The following EYA2 variants were observed in gnomAD, a reference collection of about 807,000 sequenced individuals.
EYA2 encodes EYA transcriptional coactivator and phosphatase 2, also known as protein phosphatase EYA2.
In EYA2, 31 loss-of-function variants were observed where a neutral mutation model predicts 69.2. The observed-to-expected ratio is 0.45, with a 90% CI of 0.34 to 0.60. The LOEUF is 0.60. Ranked by LOEUF, EYA2 falls within the 20% of genes least tolerant of loss-of-function variation. The probability of loss-of-function intolerance (pLI) is 0.02; values close to 1 mark genes in which losing one functional copy is unlikely to be tolerated. For synonymous variants in EYA2, 257 were observed against 279.4 expected, an observed-to-expected ratio of 0.92 and a Z score of 0.80; for missense variants, 622 against 701.2, an observed-to-expected ratio of 0.89 and a Z score of 1.28.
At chr20:47,057,099 G>A (rs1436885906) in intron 5 of EYA2, among the ~76,000 whole-genome samples, 1 of 140,492 alleles carries the variant, frequency 7.1e-6, no homozygotes, top group East Asian at 2.1e-4. Context: ...AAGAAAGGAA[G>A]GAGGGAGGGA....
intron 5 of EYA2, among the ~76,000 whole-genome samples, chr20:47,040,886 G>A (rs1985025826): frequency 2.0e-5 from 3 of 152,156 alleles, no homozygotes; most frequent in African/African-American, 7.2e-5. Context: ...TGTGACTTAG[G>A]GCTTATGTAG....
intron 9 of EYA2, among the ~76,000 whole-genome samples, chr20:47,119,598 C>T (rs2032993459): frequency 6.6e-6 from 1 of 152,164 alleles, no homozygotes; most frequent in Admixed American, 6.5e-5. Context: ...ATGAAATACC[C>T]AGAAGAGGTC....
intron 5 of EYA2, among the ~76,000 whole-genome samples, chr20:47,054,535 T>G (rs1023117705): frequency 6.6e-6 from 1 of 152,180 alleles, no homozygotes; most frequent in African/African-American, 2.4e-5. Flanking sequence ...CAAGGTGTAC[T>G]GAGTAAAAGC....
intron 5 of EYA2, among the ~76,000 whole-genome samples, chr20:47,063,325 C>T (rs2030968060): frequency 6.7e-6 from 1 of 150,362 alleles, no homozygotes; most frequent in Non-Finnish European, 1.5e-5. Flanking sequence ...AGTATGTGGC[C>T]TTGTATGTCT....
chr20:46,935,121 C>T (rs6124900), intron 1 of EYA2, among the ~76,000 whole-genome samples: 2 of 152,168 alleles, frequency 1.3e-5, no homozygotes, highest in African/African-American at 2.4e-5. Flanking sequence ...TTAGCTGGGG[C>T]GTGGAGCACA....
At chr20:46,902,287 A>T (rs576418666) in intron 1 of EYA2, among the ~76,000 whole-genome samples, 3 of 71,198 alleles carry the variant, frequency 4.2e-5, no homozygotes, top group African/African-American at 1.1e-4. Flanking sequence ...TTAAGAAAAC[A>T]CAGAGTTGTA....
chr20:47,121,506 TA>T lies in EYA2; in HGVS notation c.889-21547del, dbSNP rs935545275. 4.3e-4 allele frequency among the ~76,000 whole-genome samples: 66 copies of T among 152,288 alleles called. No homozygotes were observed. The South Asian group carries it at 4.8e-3, about 11-fold the overall frequency. Reference sequence around the variant, plus strand: ...GTTGTCAAATTTGTATGTGTACAGCTAAAAAACAAAATTGAAGTATCTACTT... The same window carrying T: ...GTTGTCAAATTTGTATGTGTACAGCTAAAAACAAAATTGAAGTATCTACTT... On this transcript the variant is annotated intron_variant, in intron 9 of 15. Transcript: ENST00000327619.
At chr20:46,965,073 C>T (rs577027948) in intron 1 of EYA2, among the ~76,000 whole-genome samples, 2 of 152,140 alleles carry the variant, frequency 1.3e-5, no homozygotes, top group African/African-American at 2.4e-5. Flanking sequence ...TGCCAGGGTT[C>T]GAATCCGCCT....
At chr20:47,125,155 G>A (rs2033153105) in intron 9 of EYA2, among the ~76,000 whole-genome samples, 1 of 146,438 alleles carries the variant, frequency 6.8e-6, no homozygotes, top group Non-Finnish European at 1.5e-5. Flanking sequence ...CTGGGTTCAC[G>A]CCATTCTCCT....
At chr20:46,951,928 T>C (rs1978828298) in intron 1 of EYA2, among the ~76,000 whole-genome samples, 1 of 152,200 alleles carries the variant, frequency 6.6e-6, no homozygotes, top group Non-Finnish European at 1.5e-5. Flanking sequence ...TCAGTTTCCC[T>C]CTCTCCCTCT....
At chr20:47,181,683 A>G (rs2034540578) in intron 14 of EYA2, among the ~76,000 whole-genome samples, 1 of 151,334 alleles carries the variant, frequency 6.6e-6, no homozygotes, top group South Asian at 2.1e-4. Flanking sequence ...ATTTTTAATT[A>G]GAAACCTTTT....
chr20:47,164,769 GGA>G lies in EYA2; in HGVS notation c.979-4363_979-4362del, dbSNP rs1326230324. On this transcript the variant is annotated intron_variant, in intron 10 of 15. Transcript: ENST00000327619. ...GGCTGAAGGAGGTAGCTGAAAATCT[GGA>G]GAGAGAACAAGAACAAGAAGAGAAA... is the stretch of plus-strand genomic sequence containing the variant. Among the ~76,000 whole-genome samples the G allele has an allele frequency of 5.3e-5, 8 of 152,236 alleles. No homozygotes were observed. In the South Asian group the frequency reaches 1.5e-3, roughly 28 times the overall value.
chr20:47,091,634 A>C (rs2032088837), intron 8 of EYA2, among the ~76,000 whole-genome samples: 1 of 151,136 alleles, frequency 6.6e-6, no homozygotes, highest in African/African-American at 2.4e-5. Flanking sequence ...AGTCCCAGCT[A>C]CTCAGGGGGC....
At chr20:46,908,387 C>T (rs535491580) in intron 1 of EYA2, among the ~76,000 whole-genome samples, 34 of 152,220 alleles carry the variant, frequency 2.2e-4, no homozygotes, top group South Asian at 1.0e-3. Context: ...TAGAAAGAAG[C>T]GGTAGCAAGG....
chr20:47,039,835 CTTTTTTTTT>C (rs10689930), intron 5 of EYA2, among the ~76,000 whole-genome samples: 1 of 69,806 alleles, frequency 1.4e-5, no homozygotes, highest in African/African-American at 6.1e-5. Context: ...AGATCAAATA[CTTTTTTTTT>C]TTTTTTTTTT....
At chr20:47,008,067 G>A (rs532646140) in intron 4 of EYA2, among the ~76,000 whole-genome samples, 1 of 152,266 alleles carries the variant, frequency 6.6e-6, no homozygotes, top group Non-Finnish European at 1.5e-5. Context: ...CATGGCAGCG[G>A]ACAGACACAT....
In EYA2 at chr20:47,176,544, A is replaced by G. The variant is rs189685755; in HGVS notation, c.1199-3254A>G. 3.1e-3 allele frequency among the ~76,000 whole-genome samples: 467 copies of G among 152,318 alleles called. 2 individuals are homozygous for G. The highest frequency in any genetic ancestry group is 0.011 in the Admixed American group (173 of 15,292). On this transcript the variant is annotated intron_variant, in intron 12 of 15. Coordinates refer to ENST00000327619, the MANE Select transcript of EYA2 (RefSeq NM_005244.5). ...TTGAACTCAGTATTCTAAATATTCT[A>G]GATGAGATTCTAATAATGATAACCA...
chr20:46,958,337 A>G (rs961971095), intron 1 of EYA2, among the ~76,000 whole-genome samples: 3 of 152,194 alleles, frequency 2.0e-5, no homozygotes, highest in South Asian at 2.1e-4. Context: ...AAATGCCCTC[A>G]TTTCTCGCCA....
chr20:46,923,884 A>T (rs1015212729), intron 1 of EYA2, among the ~76,000 whole-genome samples: 3 of 152,064 alleles, frequency 2.0e-5, no homozygotes, highest in Admixed American at 2.0e-4. Flanking sequence ...CGCCTTAGTG[A>T]TTTTTTTTAA....
Sources: gnomAD v4.1 joint callset for allele counts (sites outside exome capture counted in the v4.1 genomes callset) on GRCh38, gnomAD v4.1.1 for gene constraint, MANE v1.5 for transcripts, NCBI Gene and HGNC (gene_info 2026-07-23, HGNC 2026-07-21) for gene names.